The following HS3ST5 variants were observed in gnomAD, a reference collection of about 807,000 sequenced individuals.
HS3ST5 encodes heparan sulfate-glucosamine 3-sulfotransferase 5, also known as heparan sulfate glucosamine 3-O-sulfotransferase 5.
HS3ST5 carries 10 observed loss-of-function variants against 25.4 expected under a neutral mutation model. The ratio of observed to expected loss-of-function variants is 0.39; its 90% CI spans 0.24 to 0.67. HS3ST5 has a LOEUF of 0.67. Among genes scored for constraint, HS3ST5 ranks in the 30% least tolerant of loss-of-function variants. The pLI is 0.44. For missense variants in HS3ST5, 324 were observed against 420.7 expected (o/e 0.77, Z 2.01); for synonymous variants, 170 against 162.4 (o/e 1.05, Z -0.36).
chr6:114,189,649 C>A (rs1002317460), intron 2 of HS3ST5, among the ~76,000 whole-genome samples: 4 of 151,900 alleles, frequency 2.6e-5, no homozygotes, highest in African/African-American at 9.7e-5. Context: ...AATTTCCATG[C>A]ATATTTTTCT....
At chr6:114,058,216 A>G in intron 4 of HS3ST5, 26 bp from the exon 5 acceptor site, 1 of 1,537,698 alleles carries the variant, frequency 6.5e-7, no homozygotes, top group Non-Finnish European at 8.8e-7. Context: ...AGACACTTTA[A>G]GCTCATTGCA....
chr6:114,149,948 A>C (rs1562216502), intron 3 of HS3ST5, among the ~76,000 whole-genome samples: 1 of 152,136 alleles, frequency 6.6e-6, no homozygotes, highest in African/African-American at 2.4e-5. Flanking sequence ...ACAGGCTTAA[A>C]AGAGTTTCCC....
At chr6:114,164,724 AAG>A (rs1172491504) in intron 3 of HS3ST5, among the ~76,000 whole-genome samples, 1 of 152,210 alleles carries the variant, frequency 6.6e-6, no homozygotes, top group Non-Finnish European at 1.5e-5. Context: ...AAAGAATAGA[AAG>A]AAATTTGGGT....
intron 1 of HS3ST5, among the ~76,000 whole-genome samples, chr6:114,326,010 CA>C: frequency 6.6e-6 from 1 of 152,264 alleles, no homozygotes; most frequent in South Asian, 2.1e-4. Context: ...GGAGAAATTA[CA>C]AGGAACTACC....
intron 3 of HS3ST5, among the ~76,000 whole-genome samples, chr6:114,067,853 A>G (rs1032016919): frequency 1.3e-5 from 2 of 152,204 alleles, no homozygotes; most frequent in African/African-American, 4.8e-5. Context: ...GGGAGTCAAA[A>G]GACCTTGGGT....
intron 4 of HS3ST5, among the ~76,000 whole-genome samples, 174 bp from the exon 5 acceptor site, chr6:114,058,364 T>C: frequency 6.6e-6 from 1 of 152,248 alleles, no homozygotes; most frequent in South Asian, 2.1e-4. Context: ...ATGTATTAAA[T>C]GGAGCACACA....
intron 3 of HS3ST5, among the ~76,000 whole-genome samples, chr6:114,091,892 CT>C (rs1220730257): frequency 3.3e-5 from 5 of 152,168 alleles, no homozygotes; most frequent in Admixed American, 1.3e-4. Context: ...CTTATGTTTT[CT>C]GGTAGAGACT....
At chr6:114,101,619 G>A (rs1775736462) in intron 3 of HS3ST5, among the ~76,000 whole-genome samples, 1 of 111,018 alleles carries the variant, frequency 9.0e-6, no homozygotes, top group Admixed American at 8.6e-5. Context: ...AATCAGTTCT[G>A]CCATTGTGGA....
intron 1 of HS3ST5, among the ~76,000 whole-genome samples, chr6:114,338,181 CA>C (rs1387902473): frequency 1.3e-5 from 2 of 151,950 alleles, no homozygotes; most frequent in East Asian, 3.9e-4. Flanking sequence ...GCTGACTTCA[CA>C]AACCATGTAT....
chr6:114,244,803 C>T (rs9400706), intron 1 of HS3ST5, among the ~76,000 whole-genome samples: 7,091 of 152,166 alleles, frequency 0.047, 187 homozygotes, highest in Middle Eastern at 0.075. Flanking sequence ...CTGGGAAACT[C>T]GGCCAATAAA....
At chr6:114,067,754 T>C (rs997373127) in intron 3 of HS3ST5, among the ~76,000 whole-genome samples, 3 of 152,168 alleles carry the variant, frequency 2.0e-5, no homozygotes, top group African/African-American at 7.2e-5. Flanking sequence ...TCCTATCTAC[T>C]GTGACACTGA....
chr6:114,236,932 A>G (rs919024893), intron 1 of HS3ST5, among the ~76,000 whole-genome samples: 2 of 152,228 alleles, frequency 1.3e-5, no homozygotes, highest in African/African-American at 2.4e-5. Context: ...CATCTTCAGT[A>G]CTGCCGACGC....
At chr6:114,147,232 A>G (rs896268876) in intron 3 of HS3ST5, among the ~76,000 whole-genome samples, 4 of 152,176 alleles carry the variant, frequency 2.6e-5, no homozygotes, top group African/African-American at 2.4e-5. Flanking sequence ...TTGAAAACAC[A>G]TAGTTATTTG....
chr6:114,074,677 C>A (rs1210904810), intron 3 of HS3ST5, among the ~76,000 whole-genome samples: 1 of 152,036 alleles, frequency 6.6e-6, no homozygotes, highest in Non-Finnish European at 1.5e-5. Context: ...CTATACCCTG[C>A]CACTGACTAT....
At chr6:114,245,233 A>T (rs1772323590) in intron 1 of HS3ST5, among the ~76,000 whole-genome samples, 1 of 152,198 alleles carries the variant, frequency 6.6e-6, no homozygotes, top group African/African-American at 2.4e-5. Context: ...AAGAAAGTAG[A>T]TTAAAAAGAT....
At chr6:114,319,053 CAA>C (rs1175565866) in intron 1 of HS3ST5, among the ~76,000 whole-genome samples, 2 of 151,956 alleles carry the variant, frequency 1.3e-5, no homozygotes, top group Admixed American at 1.3e-4. Context: ...ATATATAAGA[CAA>C]AGTGGATATA....
chr6:114,163,931 C>T (rs1238218996), intron 3 of HS3ST5, among the ~76,000 whole-genome samples: 1 of 152,078 alleles, frequency 6.6e-6, no homozygotes, highest in Non-Finnish European at 1.5e-5. Context: ...CCTATCTTAG[C>T]TGCAGTTTTC....
chr6:114,192,717 A>G (rs1780560553), intron 2 of HS3ST5, among the ~76,000 whole-genome samples: 1 of 152,216 alleles, frequency 6.6e-6, no homozygotes, highest in Non-Finnish European at 1.5e-5. Flanking sequence ...TTATTCAGCT[A>G]GAGACCTCAG....
chr6:114,140,150 G>A (rs1777831779), intron 3 of HS3ST5, among the ~76,000 whole-genome samples: 1 of 151,998 alleles, frequency 6.6e-6, no homozygotes, highest in Non-Finnish European at 1.5e-5. Flanking sequence ...TTATTCAAGG[G>A]GAAAAGTCTC....
Sources: allele counts gnomAD v4.1 joint callset (sites outside exome capture counted in the v4.1 genomes callset), GRCh38; gene constraint gnomAD v4.1.1; transcripts MANE v1.5; gene names NCBI Gene and HGNC (gene_info 2026-07-23, HGNC 2026-07-21).